FNIP2: variants seen among roughly 807,000 people sequenced by gnomAD.
FNIP2 encodes folliculin-interacting protein 2.
FNIP2 carries 32 observed loss-of-function variants against 108.7 expected under a neutral mutation model. The observed-to-expected ratio is 0.29, with a 90% CI of 0.22 to 0.40. FNIP2 has a LOEUF of 0.40. Ranked by LOEUF, FNIP2 falls within the 10% of genes least tolerant of loss-of-function variation. The pLI is 1.00. For missense variants in FNIP2, 1,202 were observed against 1,381.6 expected, an observed-to-expected ratio of 0.87 and a Z score of 2.06; for synonymous variants, 480 against 496.7, an observed-to-expected ratio of 0.97 and a Z score of 0.45.
intron 7 of FNIP2, among the ~76,000 whole-genome samples, chr4:158,839,281 T>G (rs1003091258): frequency 6.6e-6 from 1 of 152,236 alleles, no homozygotes; most frequent in African/African-American, 2.4e-5. Context: ...ATTTATTTGT[T>G]TAGTCATTAT....
At chr4:158,820,480 G>A (rs1185170478) in intron 1 of FNIP2, among the ~76,000 whole-genome samples, 1 of 152,154 alleles carries the variant, frequency 6.6e-6, no homozygotes, top group Non-Finnish European at 1.5e-5. Flanking sequence ...CTCTGCATTT[G>A]CCCTGAAAAT....
At chr4:158,890,417 T>G in intron 14 of FNIP2, 7 of 915,962 alleles carry the variant, frequency 7.6e-6, no homozygotes, top group Non-Finnish European at 9.1e-6. Flanking sequence ...CACCACTCTC[T>G]TTCCCATTTG....
intron 1 of FNIP2, among the ~76,000 whole-genome samples, chr4:158,776,907 T>A (rs1419657998): frequency 1.3e-5 from 2 of 152,230 alleles, no homozygotes. Flanking sequence ...CGTTGTGACA[T>A]TTTAGAAAAT....
At chr4:158,819,865 A>G (rs1243904400) in intron 1 of FNIP2, among the ~76,000 whole-genome samples, 1 of 152,142 alleles carries the variant, frequency 6.6e-6, no homozygotes, top group Non-Finnish European at 1.5e-5. Flanking sequence ...TTCTGTTTGT[A>G]CTTAGAAGGT....
chr4:158,769,361 T>C, intron 1 of FNIP2, 42 bp downstream of exon 1: 1 of 1,373,976 alleles, frequency 7.3e-7, no homozygotes. Flanking sequence ...GGGACCCGAG[T>C]TGGCTTCGGT....
chr4:158,794,637 G>T (rs992150253), intron 1 of FNIP2: 1 of 152,372 alleles, frequency 6.6e-6, no homozygotes, highest in African/African-American at 2.4e-5. Context: ...TTGTGCAGAG[G>T]CCCTGCTAAT....
Position 158,869,373 on chromosome 4 carries a change from G to T in FNIP2, c.2737G>T (p.Gly913Cys). 6.2e-7 allele frequency: 1 copy of T among 1,611,328 alleles called. No individual in the cohort carries two copies. The highest frequency in any genetic ancestry group is 8.5e-7 in the Non-Finnish European group (1 of 1,178,954). The stretch of plus-strand genomic sequence containing the variant: ...CTGCGCTTCAGCCATGCTAGATCTG[G>T]GTCACGGTGGTGACAGGACTGGAGG... ...EACASAMLDL[G>C]HGGDRTGGSL... The change falls in exon 13 of 17, where the codon GGT becomes TGT. Residue 913 changes from glycine (G) to cysteine (C), a missense_variant. By Grantham distance (159) the Gly-to-Cys change is radical. Transcript: ENST00000264433.
chr4:158,831,666 C>G (rs1028722214), intron 3 of FNIP2, among the ~76,000 whole-genome samples, 195 bp from the exon 4 acceptor site: 6 of 152,084 alleles, frequency 3.9e-5, no homozygotes, highest in African/African-American at 1.4e-4. Context: ...GAGAAGAAAT[C>G]ACAAACATTA....
At chr4:158,845,790 T>C (rs528016645) in intron 7 of FNIP2, among the ~76,000 whole-genome samples, 1 of 152,370 alleles carries the variant, frequency 6.6e-6, no homozygotes, top group South Asian at 2.1e-4. Context: ...ATCTAGAGTA[T>C]ATGATTAACA....
Position 158,816,784 on chromosome 4 carries a change from C to CA in FNIP2, c.108-9115dup, listed in dbSNP as rs543335523. On this transcript the variant is annotated intron_variant, in intron 1 of 16. Coordinates refer to ENST00000264433, the MANE Select transcript of FNIP2 (RefSeq NM_020840.3). ...TGGGAGACAGAGTGAGACTCTGTCTCAAAAAAAAAAAAAAAAATTAGCTCA... is the reference window on the plus strand; with the variant it reads ...TGGGAGACAGAGTGAGACTCTGTCTCAAAAAAAAAAAAAAAAAATTAGCTCA... 5.4e-3 allele frequency among the ~76,000 whole-genome samples: 549 copies of CA among 101,160 alleles called. 3 individuals are homozygous for CA. The highest frequency in any genetic ancestry group is 0.036 in the Middle Eastern group (7 of 192). The allele number at this position is 101,160 out of a possible 152,430, so 66.4% of individuals were successfully genotyped here.
chr4:158,829,046 AATCTTT>A, intron 2 of FNIP2, 27 bp from the exon 3 acceptor site: 1 of 1,536,378 alleles, frequency 6.5e-7, no homozygotes, highest in Non-Finnish European at 8.8e-7. Flanking sequence ...TATACTTAGT[AATCTTT>A]TACCTTGCCT....
chr4:158,800,562 A>ATT (rs35000890), intron 1 of FNIP2, among the ~76,000 whole-genome samples: 1 of 152,130 alleles, frequency 6.6e-6, no homozygotes, highest in South Asian at 2.1e-4. Context: ...AATGGCAAGA[A>ATT]TTTTTTTTAA....
At chr4:158,844,444 G>T (rs983345769) in intron 7 of FNIP2, among the ~76,000 whole-genome samples, 1 of 152,138 alleles carries the variant, frequency 6.6e-6, no homozygotes, top group African/African-American at 2.4e-5. Flanking sequence ...CAGTTGAGAT[G>T]ACCCATTTTC....
intron 6 of FNIP2, chr4:158,833,887 G>T: frequency 7.0e-7 from 1 of 1,418,652 alleles, no homozygotes; most frequent in Non-Finnish European, 9.3e-7. Flanking sequence ...TTCTTTCTTT[G>T]CAGGTTTGTG....
At chr4:158,873,516 T>C (rs915077375) in intron 14 of FNIP2, among the ~76,000 whole-genome samples, 2 of 152,236 alleles carry the variant, frequency 1.3e-5, no homozygotes, top group Non-Finnish European at 2.9e-5. Context: ...GCTCTAAATG[T>C]ACACTTTTAT....
intron 1 of FNIP2, among the ~76,000 whole-genome samples, chr4:158,772,967 A>T (rs1775745322): frequency 6.6e-6 from 1 of 152,142 alleles, no homozygotes; most frequent in Non-Finnish European, 1.5e-5. Context: ...GGAGTGACTA[A>T]GGGCCGGATT....
intron 1 of FNIP2, among the ~76,000 whole-genome samples, chr4:158,783,580 A>T (rs1776121155): frequency 6.6e-6 from 1 of 152,216 alleles, no homozygotes; most frequent in South Asian, 2.1e-4. Context: ...ACTCTGCCTG[A>T]AGCACTGAGG....
intron 15 of FNIP2, 44 bp from the exon 16 acceptor site, chr4:158,895,706 G>T: frequency 8.2e-7 from 1 of 1,215,736 alleles, no homozygotes; most frequent in Admixed American, 1.9e-5. Flanking sequence ...TATTGGCAGA[G>T]ATTTGACTTC....
intron 1 of FNIP2, among the ~76,000 whole-genome samples, chr4:158,779,964 T>C (rs995130041): frequency 6.6e-6 from 1 of 152,018 alleles, no homozygotes; most frequent in African/African-American, 2.4e-5. Context: ...ATCCCAGTAC[T>C]TTGGGAGACT....
Sources: gnomAD v4.1 joint callset for allele counts (sites outside exome capture counted in the v4.1 genomes callset) on GRCh38, gnomAD v4.1.1 for gene constraint, MANE v1.5 for transcripts, NCBI Gene and HGNC (gene_info 2026-07-23, HGNC 2026-07-21) for gene names.